The following AFG1L variants were observed in gnomAD, a reference collection of about 807,000 sequenced individuals.
AFG1L encodes the protein AFG1 like ATPase, also known as AFG1-like ATPase.
AFG1L carries 53 observed loss-of-function variants against 62.2 expected under a neutral mutation model. That is an observed-to-expected ratio of 0.85 (90% CI 0.68 to 1.07). The LOEUF (loss-of-function observed/expected upper bound fraction) is 1.07, where lower values mean the gene tolerates loss of function less well. Among genes scored for constraint, AFG1L ranks in the 50% least tolerant of loss-of-function variants. The pLI is 0.00. For synonymous variants in AFG1L, 228 were observed against 210.3 expected (o/e 1.08, Z -0.73); for missense variants, 555 against 590.5 (o/e 0.94, Z 0.62).
chr6:108,501,107 C>T (rs1774179488), intron 10 of AFG1L, among the ~76,000 whole-genome samples: 1 of 152,116 alleles, frequency 6.6e-6, no homozygotes, highest in Non-Finnish European at 1.5e-5. Context: ...AATTCTCCTA[C>T]CTCAGCCTCC....
chr6:108,357,951 G>A (rs1582431012), intron 5 of AFG1L, among the ~76,000 whole-genome samples: 2 of 152,190 alleles, frequency 1.3e-5, no homozygotes, highest in South Asian at 4.1e-4. Flanking sequence ...ACCATCTGGG[G>A]AAGAGGGATC....
rs944568036 is a variant in AFG1L at position 108,415,310 on chromosome 6, A to G, written c.807+13256A>G. Among the ~76,000 whole-genome samples the G allele has an allele frequency of 2.6e-5, 4 of 152,198 alleles. No individual in the cohort carries two copies. In the South Asian group the frequency reaches 6.2e-4, roughly 24 times the overall value. On this transcript the variant is annotated intron_variant, in intron 7 of 12. Transcript: ENST00000368977. The stretch of plus-strand genomic sequence containing the variant: ...TTGGAAGAACATTCCATGCTCATGG[A>G]TAGGAAGAATCAATATCGTGAAAAT...
At chr6:108,509,567 G>A (rs946682867) in intron 10 of AFG1L, among the ~76,000 whole-genome samples, 1 of 152,196 alleles carries the variant, frequency 6.6e-6, no homozygotes, top group African/African-American at 2.4e-5. Flanking sequence ...TTAAAGTGAT[G>A]TCATAGAAAT....
intron 1 of AFG1L, among the ~76,000 whole-genome samples, chr6:108,297,645 A>T (rs1776815797): frequency 6.6e-6 from 1 of 151,746 alleles, no homozygotes; most frequent in Non-Finnish European, 1.5e-5. Flanking sequence ...ACTTGAGCTC[A>T]GGAGTTTGAG....
Position 108,324,026 on chromosome 6 carries a change from A to G in AFG1L, c.341A>G (p.Glu114Gly). Reference protein sequence around the residue: ...LHEDLKGYNIEAEGLFSKLFS... With the variant: ...LHEDLKGYNIGAEGLFSKLFS... The stretch of plus-strand genomic sequence containing the variant: ...GAGGACCTTAAAGGATACAATATAG[A>G]GGCAGAAGGCCTTTTTTCAAAGGTG... Residue 114 changes from glutamate (E) to glycine (G), a missense_variant, in exon 2 of 13, where the codon GAG (glutamate) becomes GGG (glycine). By Grantham distance (98) the Glu-to-Gly change is moderately conservative. Transcript: ENST00000368977. 3 of 1,611,138 alleles carry G rather than the reference A, an allele frequency of 1.9e-6. No homozygotes were observed. Among genetic ancestry groups the G allele is most frequent in the Non-Finnish European group, 2.5e-6 (3 of 1,177,708 alleles).
chr6:108,511,018 A>G (rs1422548327), intron 11 of AFG1L, among the ~76,000 whole-genome samples: 1 of 151,438 alleles, frequency 6.6e-6, no homozygotes, highest in Admixed American at 6.6e-5. Flanking sequence ...TCAAGGTTAC[A>G]GTAGTGAGTC....
intron 1 of AFG1L, among the ~76,000 whole-genome samples, chr6:108,301,940 G>C (rs1777016610): frequency 6.6e-6 from 1 of 151,510 alleles, no homozygotes; most frequent in Non-Finnish European, 1.5e-5. Flanking sequence ...CAACAGATGA[G>C]ACTAGATTTT....
chr6:108,350,222 A>G (rs1003362951), intron 3 of AFG1L, among the ~76,000 whole-genome samples: 6 of 151,910 alleles, frequency 3.9e-5, no homozygotes, highest in African/African-American at 1.2e-4. Context: ...TACATAAGTA[A>G]ATAAAATAAA....
At chr6:108,457,333 C>G (rs936357699) in intron 8 of AFG1L, among the ~76,000 whole-genome samples, 5 of 151,764 alleles carry the variant, frequency 3.3e-5, no homozygotes, top group South Asian at 2.1e-4. Context: ...GCTATACCTC[C>G]TTGATTTTTT....
chr6:108,366,290 A>T lies in AFG1L; in HGVS notation c.706A>T (p.Asn236Tyr). ...ACAGCTTTTTGAAAATCTGTTCAAA[A>T]ACGGGGTCGTCGTTGTGGCAACATC... ...LKQLFENLFK[N>Y]GVVVVATSNR... is the part of the protein sequence containing the mutation. Residue 236 changes from asparagine to tyrosine, a missense_variant, in exon 6 of 13, where the codon AAC (asparagine) becomes TAC (tyrosine). Transcript: ENST00000368977. 6.2e-7 allele frequency: 1 copy of T among 1,612,462 alleles called. No homozygotes were observed. The highest frequency in any genetic ancestry group is 8.5e-7 in the Non-Finnish European group (1 of 1,178,880).
At chr6:108,423,616 T>C (rs1353742819) in intron 7 of AFG1L, among the ~76,000 whole-genome samples, 1 of 152,118 alleles carries the variant, frequency 6.6e-6, no homozygotes, top group African/African-American at 2.4e-5. Context: ...ACACCTCCCA[T>C]TTTTAAGTTG....
chr6:108,486,740 A>G (rs1351894948), intron 10 of AFG1L, among the ~76,000 whole-genome samples: 1 of 151,410 alleles, frequency 6.6e-6, no homozygotes, highest in African/African-American at 2.4e-5. Context: ...TTTTTTTGAG[A>G]CGGAGTCTTG....
chr6:108,443,467 T>A (rs1162732412), intron 7 of AFG1L, among the ~76,000 whole-genome samples: 1 of 152,186 alleles, frequency 6.6e-6, no homozygotes, highest in Non-Finnish European at 1.5e-5. Flanking sequence ...CACTTCTTGA[T>A]AACTGGAATA....
Position 108,369,189 on chromosome 6 carries a change from C to T in AFG1L, c.748+2857C>T, listed in dbSNP as rs114155391. ...ATCAGGAAGAGGTAAAACTGTAAGA[C>T]GAAGAATGAAGCAGTGATTGCCAAG... On this transcript the variant is annotated intron_variant, in intron 6 of 12. Coordinates refer to ENST00000368977, the MANE Select transcript of AFG1L (RefSeq NM_145315.5). Among the ~76,000 whole-genome samples the T allele has an allele frequency of 5.1e-3, 774 of 152,012 alleles. 3 individuals carry two copies. The highest frequency in any genetic ancestry group is 0.018 in the African/African-American group (746 of 41,444).
intron 7 of AFG1L, among the ~76,000 whole-genome samples, chr6:108,437,711 G>A (rs1771371246): frequency 6.6e-6 from 1 of 152,106 alleles, no homozygotes; most frequent in South Asian, 2.1e-4. Flanking sequence ...ATATTGTATG[G>A]CCCCCAGAAG....
chr6:108,427,320 G>T (rs376252775), intron 7 of AFG1L, among the ~76,000 whole-genome samples: 4 of 151,696 alleles, frequency 2.6e-5, no homozygotes, highest in African/African-American at 2.4e-5. Context: ...AACCCGTGGC[G>T]TTATATAATT....
Position 108,379,299 on chromosome 6 carries a change from C to T in AFG1L, c.748+12967C>T, listed in dbSNP as rs996663943. ...TGCTGGGATTACAGGCATGAGCCACCGCGCCCGGCTGCCCTATGTACTTCT... is the reference window on the plus strand; with the variant it reads ...TGCTGGGATTACAGGCATGAGCCACTGCGCCCGGCTGCCCTATGTACTTCT... On this transcript the variant is annotated intron_variant, in intron 6 of 12. Coordinates refer to ENST00000368977, the MANE Select transcript of AFG1L (RefSeq NM_145315.5). 4.6e-5 allele frequency among the ~76,000 whole-genome samples: 7 copies of T among 152,240 alleles called. No individual in the cohort carries two copies. The East Asian group carries it at 5.8e-4, about 13-fold the overall frequency.
chr6:108,318,335 C>T, intron 1 of AFG1L: 6 of 397,174 alleles, frequency 1.5e-5, no homozygotes, highest in East Asian at 6.9e-5. Context: ...TAAGAGAATG[C>T]TGGCCATAAG....
At chr6:108,423,578 G>T (rs1458644563) in intron 7 of AFG1L, among the ~76,000 whole-genome samples, 1 of 151,574 alleles carries the variant, frequency 6.6e-6, no homozygotes, top group African/African-American at 2.4e-5. Context: ...AAAATACATT[G>T]TATATTTATT....
Sources: allele counts gnomAD v4.1 joint callset (sites outside exome capture counted in the v4.1 genomes callset), GRCh38; gene constraint gnomAD v4.1.1; transcripts MANE v1.5; gene names NCBI Gene and HGNC (gene_info 2026-07-23, HGNC 2026-07-21).